DOCK4: variants seen among roughly 807,000 people sequenced by gnomAD.
The protein encoded by DOCK4 is dedicator of cytokinesis 4.
DOCK4 carries 97 observed loss-of-function variants against 268.1 expected under a neutral mutation model. The observed-to-expected ratio is 0.36, with a 90% CI of 0.31 to 0.43. DOCK4 has a LOEUF of 0.43. Among genes scored for constraint, DOCK4 ranks in the 20% least tolerant of loss-of-function variants. DOCK4 has a pLI of 1.00. For synonymous variants in DOCK4, 954 were observed against 887.2 expected, an observed-to-expected ratio of 1.08 and a Z score of -1.34; for missense variants, 2,145 against 2,455.7, an observed-to-expected ratio of 0.87 and a Z score of 2.67.
intron 13 of DOCK4, among the ~76,000 whole-genome samples, chr7:111,912,159 A>C (rs1792157007): frequency 6.6e-6 from 1 of 152,194 alleles, no homozygotes; most frequent in South Asian, 2.1e-4. Flanking sequence ...TATTCATAGC[A>C]ATCTCATTAT....
At chr7:111,798,744 A>G (rs574299658) in intron 30 of DOCK4, among the ~76,000 whole-genome samples, 1 of 152,350 alleles carries the variant, frequency 6.6e-6, no homozygotes, top group African/African-American at 2.4e-5. Context: ...ACAGCGCTCA[A>G]TTCGCTAAGC....
At chr7:111,914,213 C>T (rs762497144) in intron 13 of DOCK4, among the ~76,000 whole-genome samples, 5 of 152,120 alleles carry the variant, frequency 3.3e-5, no homozygotes, top group Non-Finnish European at 7.3e-5. Context: ...GTCTTACTCT[C>T]GCCATCTCCA....
intron 23 of DOCK4, chr7:111,862,991 G>A (rs1805675481): frequency 4.7e-6 from 1 of 210,942 alleles, no homozygotes; most frequent in Non-Finnish European, 9.6e-6. Context: ...CTGACCACTT[G>A]CTCTTGGGGT....
chr7:111,973,180 T>TATATATATATATATATATATAC (rs1330800991), intron 8 of DOCK4, among the ~76,000 whole-genome samples: 61 of 145,416 alleles, frequency 4.2e-4, no homozygotes, highest in African/African-American at 1.6e-3. Flanking sequence ...TATATATATA[T>TATATATATATATATATATATAC]ATATATAATA....
At chr7:112,107,615 A>G (rs1330926980) in intron 1 of DOCK4, among the ~76,000 whole-genome samples, 2 of 152,228 alleles carry the variant, frequency 1.3e-5, no homozygotes, top group Non-Finnish European at 2.9e-5. Flanking sequence ...CACTCTGTAA[A>G]GGAACTAATA....
chr7:112,018,157 A>C (rs59200494), intron 1 of DOCK4, among the ~76,000 whole-genome samples: 141 of 133,822 alleles, frequency 1.1e-3, no homozygotes, highest in African/African-American at 4.1e-3. Flanking sequence ...AAAAAAAAAA[A>C]AAAAAAAAAA....
intron 42 of DOCK4, among the ~76,000 whole-genome samples, chr7:111,752,440 AAG>A (rs1297630812): frequency 1.3e-5 from 2 of 152,148 alleles, no homozygotes; most frequent in African/African-American, 2.4e-5. Flanking sequence ...AGTATTTAGA[AAG>A]AGGCACATTG....
At chr7:111,840,530 GT>G (rs964952198) in intron 25 of DOCK4, among the ~76,000 whole-genome samples, 7 of 148,064 alleles carry the variant, frequency 4.7e-5, no homozygotes, top group African/African-American at 1.5e-4. Flanking sequence ...GTGCTTTTTT[GT>G]TTTTTTTTTC....
chr7:111,814,045 C>T (rs1274514962), intron 27 of DOCK4, among the ~76,000 whole-genome samples: 2 of 152,166 alleles, frequency 1.3e-5, no homozygotes, highest in African/African-American at 4.8e-5. Flanking sequence ...ACCTTGTGGT[C>T]CACAGTTTCA....
chr7:111,812,164 C>T (rs1354109674), intron 27 of DOCK4, among the ~76,000 whole-genome samples: 1 of 152,116 alleles, frequency 6.6e-6, no homozygotes, highest in East Asian at 1.9e-4. Flanking sequence ...AACTGATACA[C>T]GAAAGATCTA....
At chr7:112,093,253 T>A (rs1026608636) in intron 1 of DOCK4, among the ~76,000 whole-genome samples, 5 of 152,158 alleles carry the variant, frequency 3.3e-5, no homozygotes, top group Admixed American at 1.3e-4. Context: ...GTGCTCCTTC[T>A]CAATGCCCAC....
At chr7:112,176,483 C>T (rs1188733907) in intron 1 of DOCK4, among the ~76,000 whole-genome samples, 2 of 152,044 alleles carry the variant, frequency 1.3e-5, no homozygotes, top group Non-Finnish European at 2.9e-5. Flanking sequence ...TCTGTGTGAC[C>T]TCTCATTATT....
intron 15 of DOCK4, among the ~76,000 whole-genome samples, chr7:111,898,459 C>G (rs1313236139): frequency 6.6e-6 from 1 of 152,234 alleles, no homozygotes; most frequent in Non-Finnish European, 1.5e-5. Context: ...CACTTCATCA[C>G]TTGCTATCTG....
chr7:112,157,801 A>G (rs1032289811), intron 1 of DOCK4, among the ~76,000 whole-genome samples: 2 of 152,152 alleles, frequency 1.3e-5, no homozygotes, highest in Admixed American at 1.3e-4. Flanking sequence ...AAAAGCAGAC[A>G]AGGGCCAGGC....
intron 42 of DOCK4, among the ~76,000 whole-genome samples, 186 bp downstream of exon 42, chr7:111,755,329 C>T (rs1796949259): frequency 6.6e-6 from 1 of 152,138 alleles, no homozygotes; most frequent in Non-Finnish European, 1.5e-5. Flanking sequence ...CATCTGGACA[C>T]ATTAGGATAA....
chr7:111,844,835 C>A lies in DOCK4; in HGVS notation c.2664G>T (p.Arg888Ser), dbSNP rs1289491354. 9 of 1,613,500 alleles carry A rather than the reference C, an allele frequency of 5.6e-6. No homozygotes were observed. Reference protein sequence around the residue: ...IVASLLDILLRTILEITSRPQ... With the variant: ...IVASLLDILLSTILEITSRPQ... The stretch of plus-strand genomic sequence containing the variant: ...GTCGGCTGGTGATCTCCAATATGGT[C>A]CTCAGCAGAATATCCAGCAAGCTGG... The change falls in exon 25 of 53, where the codon AGG (arginine) becomes AGT (serine). Residue 888 changes from arginine (R) to serine (S), a missense_variant. Arg to Ser is a moderately radical substitution (Grantham distance 110). Transcript: ENST00000428084.
At chr7:111,869,056 G>A (rs1244824095) in intron 21 of DOCK4, among the ~76,000 whole-genome samples, 2 of 152,288 alleles carry the variant, frequency 1.3e-5, no homozygotes, top group African/African-American at 4.8e-5. Context: ...CAACATGTTT[G>A]CAAGTAAGGG....
At position 111,986,149 on chromosome 7, in the gene DOCK4, G is replaced by A. The variant is rs978009278; in HGVS notation, c.465-1759C>T. 3.9e-5 allele frequency among the ~76,000 whole-genome samples: 6 copies of A among 152,100 alleles called. No individual in the cohort carries two copies. In the East Asian group the frequency reaches 5.8e-4, roughly 15 times the overall value. On this transcript the variant is annotated intron_variant, in intron 6 of 52. Coordinates refer to ENST00000428084, the MANE Select transcript of DOCK4 (RefSeq NM_001363540.2). Reference sequence around the variant, plus strand: ...AAAGACTGGCCAGCAGCTTATGAGAGGCTGGTATAAAATGCTCAGCCCAAA... The same window carrying A: ...AAAGACTGGCCAGCAGCTTATGAGAAGCTGGTATAAAATGCTCAGCCCAAA...
At chr7:111,987,381 C>T (rs536561290) in intron 6 of DOCK4, among the ~76,000 whole-genome samples, 73 of 152,264 alleles carry the variant, frequency 4.8e-4, no homozygotes, top group Middle Eastern at 3.4e-3. Context: ...TTTGGATAAG[C>T]TAACTTCCTC....
Sources: allele counts gnomAD v4.1 joint callset (sites outside exome capture counted in the v4.1 genomes callset), GRCh38; gene constraint gnomAD v4.1.1; transcripts MANE v1.5; gene names NCBI Gene and HGNC (gene_info 2026-07-23, HGNC 2026-07-21).